RBMS2: variants seen among roughly 807,000 people sequenced by gnomAD.
RBMS2 encodes the protein RNA-binding motif, single-stranded-interacting protein 2.
In RBMS2, 38 loss-of-function variants were observed where a neutral mutation model predicts 58.4. That is an observed-to-expected ratio of 0.65 (90% CI 0.50 to 0.85). RBMS2 has a LOEUF of 0.85. RBMS2 is among the 40% of genes least tolerant of loss of function. RBMS2 has a pLI of 0.00. For missense variants in RBMS2, 367 were observed against 503.7 expected, an observed-to-expected ratio of 0.73 and a Z score of 2.60; for synonymous variants, 151 against 180.7, an observed-to-expected ratio of 0.84 and a Z score of 1.32.
intron 1 of RBMS2, among the ~76,000 whole-genome samples, chr12:56,522,529 T>C (rs1379269607): frequency 6.6e-6 from 1 of 152,126 alleles, no homozygotes; most frequent in African/African-American, 2.4e-5. Flanking sequence ...TAGTATTAGA[T>C]AGCTGAAATC....
intron 9 of RBMS2, among the ~76,000 whole-genome samples, chr12:56,583,378 G>A (rs917719482): frequency 6.6e-5 from 10 of 152,098 alleles, no homozygotes; most frequent in African/African-American, 2.4e-4. Flanking sequence ...GTCTTGCTGG[G>A]CACGGTGGCT....
At chr12:56,558,810 G>T (rs181821289) in intron 1 of RBMS2, among the ~76,000 whole-genome samples, 1 of 151,744 alleles carries the variant, frequency 6.6e-6, no homozygotes, top group African/African-American at 2.4e-5. Flanking sequence ...AGGTTGCCCA[G>T]ATTGGTTTTG....
rs1440326062 is a variant in RBMS2, at chr12:56,576,188, C to G, written c.542+4333C>G. 2.0e-5 allele frequency among the ~76,000 whole-genome samples: 3 copies of G among 151,632 alleles called. No homozygotes were observed. The East Asian group carries it at 5.8e-4, about 29-fold the overall frequency. ...CCCCATCTCCATTAAAAATACAAAG[C>G]TAGCCAGGAGTGGTAGTGTGCACCT... On this transcript the variant is annotated intron_variant, in intron 5 of 13. Coordinates refer to ENST00000262031, the MANE Select transcript of RBMS2 (RefSeq NM_002898.4).
intron 1 of RBMS2, among the ~76,000 whole-genome samples, chr12:56,544,275 C>CA (rs552809673): frequency 8.0e-5 from 12 of 150,852 alleles, no homozygotes; most frequent in African/African-American, 1.2e-4. Flanking sequence ...GACTTTGTCT[C>CA]AAAAAAAAAC....
intron 4 of RBMS2, among the ~76,000 whole-genome samples, chr12:56,570,727 G>A (rs1882156521): frequency 6.6e-6 from 1 of 152,114 alleles, no homozygotes; most frequent in South Asian, 2.1e-4. Context: ...ACAGGCACCC[G>A]CCATCACCTC....
chr12:56,588,021 A>G (rs1388446139), intron 11 of RBMS2, among the ~76,000 whole-genome samples: 1 of 152,154 alleles, frequency 6.6e-6, no homozygotes, highest in Non-Finnish European at 1.5e-5. Flanking sequence ...TCCTTTTTGC[A>G]TAGAAAGGGC....
chr12:56,556,813 A>G (rs948212064), intron 1 of RBMS2, among the ~76,000 whole-genome samples: 4 of 152,186 alleles, frequency 2.6e-5, no homozygotes, highest in African/African-American at 9.6e-5. Flanking sequence ...GATTGAATGG[A>G]GCTGAGAAGG....
rs531740432 is a variant in RBMS2, at chr12:56,574,469, G to A, written c.542+2614G>A. On this transcript the variant is annotated intron_variant, in intron 5 of 13. Transcript: ENST00000262031. ...GAAAATATGATGTTATCTATCAAAA[G>A]GATTGTAGGGGGAACTAATGTTGAA... 7.9e-5 allele frequency among the ~76,000 whole-genome samples: 12 copies of A among 152,280 alleles called. No homozygotes were observed. The East Asian group carries it at 1.9e-3, about 24-fold the overall frequency.
chr12:56,582,922 G>C (rs375186022), intron 9 of RBMS2, among the ~76,000 whole-genome samples: 2 of 151,958 alleles, frequency 1.3e-5, no homozygotes, highest in African/African-American at 2.4e-5. Context: ...CGCCCGCCTC[G>C]GCCTCCCAAA....
At chr12:56,549,391 A>C (rs543178589) in intron 1 of RBMS2, among the ~76,000 whole-genome samples, 1 of 152,198 alleles carries the variant, frequency 6.6e-6, no homozygotes, top group South Asian at 2.1e-4. Context: ...AGATCTGATG[A>C]AAACCTAGTG....
At chr12:56,558,426 C>T (rs1879702484) in intron 1 of RBMS2, among the ~76,000 whole-genome samples, 1 of 149,804 alleles carries the variant, frequency 6.7e-6, no homozygotes, top group Non-Finnish European at 1.5e-5. Flanking sequence ...CTTTCAGAAA[C>T]ATTATCTCAC....
rs1881847682 is a variant in RBMS2, at chr12:56,569,008, GGACAA to G, written c.271_275del (p.Lys91HisfsTer5). 1.2e-6 allele frequency: 2 copies of G among 1,613,198 alleles called. No homozygotes were observed. The highest frequency in any genetic ancestry group is 3.3e-5 in the Admixed American group (2 of 59,994). On this transcript the variant is annotated frameshift_variant, in exon 3 of 14. Transcript: ENST00000262031. LOFTEE classifies it high-confidence loss of function. The stretch of plus-strand genomic sequence containing the variant: ...AGATTGTTTCCACTAAGGCCATACT[GGACAA>G]GACCACAAACAAATGTAAAGGTGAG...
intron 1 of RBMS2, among the ~76,000 whole-genome samples, chr12:56,557,985 C>T (rs564830306): frequency 1.5e-4 from 22 of 148,780 alleles, no homozygotes; most frequent in African/African-American, 4.2e-4. Flanking sequence ...TGGATCCACC[C>T]GCCTCAGCCT....
chr12:56,588,831 T>C, intron 12 of RBMS2, 101 bp from the exon 13 acceptor site: 1 of 1,091,108 alleles, frequency 9.2e-7, no homozygotes, highest in Non-Finnish European at 1.4e-6. Context: ...GTGGGTAGGT[T>C]TGGGAGGGCA....
rs944439627 is a variant in RBMS2, at chr12:56,523,950, T to G, written c.66+1861T>G. On this transcript the variant is annotated intron_variant, in intron 1 of 13. Coordinates refer to ENST00000262031, the MANE Select transcript of RBMS2 (RefSeq NM_002898.4). The stretch of plus-strand genomic sequence containing the variant: ...ACCTTGTAGAGTACCATGTGAAAAT[T>G]TCTTTCCTGATTTTTTTCCCTCCTA... 4.6e-5 allele frequency among the ~76,000 whole-genome samples: 7 copies of G among 152,286 alleles called. No homozygotes were observed. In the East Asian group the frequency reaches 1.3e-3, roughly 29 times the overall value.
At chr12:56,588,236 C>A in intron 11 of RBMS2, 58 bp from the exon 12 acceptor site, 2 of 1,388,118 alleles carry the variant, frequency 1.4e-6, no homozygotes, top group Non-Finnish European at 2.0e-6. Flanking sequence ...AGCCCCTCAG[C>A]TGCTTCAAAT....
intron 1 of RBMS2, among the ~76,000 whole-genome samples, chr12:56,541,201 T>C (rs936975305): frequency 6.6e-6 from 1 of 151,860 alleles, no homozygotes; most frequent in Non-Finnish European, 1.5e-5. Flanking sequence ...TCAAGAAAAA[T>C]ACTTTTTAAA....
chr12:56,573,803 GC>G (rs1271677346), intron 5 of RBMS2, among the ~76,000 whole-genome samples: 1 of 148,880 alleles, frequency 6.7e-6, no homozygotes, highest in Non-Finnish European at 1.5e-5. Flanking sequence ...TACCACAGGT[GC>G]GTACCACCAC....
intron 11 of RBMS2, 100 bp downstream of exon 11, chr12:56,587,764 C>T: frequency 7.1e-7 from 1 of 1,415,440 alleles, no homozygotes; most frequent in South Asian, 1.4e-5. Context: ...GATGGAATTA[C>T]TTCAGTGTCA....
Sources: gnomAD v4.1 joint callset for allele counts (sites outside exome capture counted in the v4.1 genomes callset) on GRCh38, gnomAD v4.1.1 for gene constraint, MANE v1.5 for transcripts, NCBI Gene and HGNC (gene_info 2026-07-23, HGNC 2026-07-21) for gene names.